SFXN5: variants seen among roughly 807,000 people sequenced by gnomAD.
The protein encoded by SFXN5 is sideroflexin 5, also known as sideroflexin-5.
A neutral mutation model predicts 50.2 loss-of-function variants in SFXN5; 43 were observed. The observed-to-expected ratio is 0.86, with a 90% CI of 0.67 to 1.11. The LOEUF (loss-of-function observed/expected upper bound fraction) is 1.11, where lower values mean the gene tolerates loss of function less well. SFXN5 is among the 50% of genes least tolerant of loss of function. SFXN5 has a pLI of 0.00. For synonymous variants in SFXN5, 203 were observed against 185.8 expected (o/e 1.09, Z -0.75); for missense variants, 463 against 454.1 (o/e 1.02, Z -0.18).
chr2:73,051,750 TTCTGGAGGCTGGAAG>T (rs1400587832), intron 2 of SFXN5, among the ~76,000 whole-genome samples: 30 of 152,336 alleles, frequency 2.0e-4, no homozygotes, highest in African/African-American at 7.2e-4. Flanking sequence ...TTTCTCACAG[TTCTGGAGGCTGGAAG>T]TCCAAGATCA....
chr2:73,057,447 T>C (rs57536428), intron 2 of SFXN5, among the ~76,000 whole-genome samples: 48,253 of 151,970 alleles, frequency 0.32, 9,180 homozygotes, highest in East Asian at 0.55. Context: ...CTCAAAAGCA[T>C]TGTGTTAAGG....
chr2:72,984,577 A>G (rs1044952621), intron 10 of SFXN5, among the ~76,000 whole-genome samples: 43 of 152,218 alleles, frequency 2.8e-4, no homozygotes, highest in African/African-American at 1.0e-3. Flanking sequence ...GACTTTGTTC[A>G]TTCTTCTGTA....
Position 73,014,536 on chromosome 2 carries a change from T to C in SFXN5, c.357+5703A>G, listed in dbSNP as rs138872772. 9.5e-3 allele frequency among the ~76,000 whole-genome samples: 1,445 copies of C among 152,316 alleles called. 16 individuals are homozygous for C. Among genetic ancestry groups the C allele is most frequent in the African/African-American group, 0.033 (1,354 of 41,554 alleles). On this transcript the variant is annotated intron_variant, in intron 6 of 13. Transcript: ENST00000272433. ...CACTATTCTTATCCCCTAGCTTGTA[T>C]TCATGTAACTTTTCATAGCAACCTG...
chr2:72,968,696 A>C (rs1288915905), intron 11 of SFXN5, among the ~76,000 whole-genome samples, 163 bp from the exon 12 acceptor site: 2 of 151,040 alleles, frequency 1.3e-5, no homozygotes, highest in African/African-American at 4.9e-5. Flanking sequence ...AAAAAAAGCC[A>C]CTGGTCTCCT....
intron 3 of SFXN5, among the ~76,000 whole-genome samples, chr2:73,038,246 T>C (rs1226554781): frequency 6.6e-6 from 1 of 152,212 alleles, no homozygotes; most frequent in African/African-American, 2.4e-5. Context: ...TGGTAGATAT[T>C]TGTGTATGTA....
intron 6 of SFXN5, chr2:73,019,950 A>G: frequency 6.6e-6 from 2 of 301,458 alleles, no homozygotes; most frequent in Non-Finnish European, 1.2e-5. Context: ...AAACTTCCCT[A>G]TGACTAGCAG....
intron 3 of SFXN5, among the ~76,000 whole-genome samples, chr2:73,030,368 T>C (rs926849296): frequency 3.9e-5 from 6 of 152,162 alleles, no homozygotes; most frequent in East Asian, 3.8e-4. Context: ...TGTATATATA[T>C]ACACATATAT....
chr2:73,010,592 T>A (rs867037837), intron 6 of SFXN5, among the ~76,000 whole-genome samples: 14 of 152,234 alleles, frequency 9.2e-5, no homozygotes, highest in African/African-American at 2.9e-4. Flanking sequence ...CTTTGTTACA[T>A]GCAGATGACC....
intron 3 of SFXN5, among the ~76,000 whole-genome samples, chr2:73,027,659 A>T (rs1677740163): frequency 6.6e-6 from 1 of 151,734 alleles, no homozygotes; most frequent in South Asian, 2.1e-4. Flanking sequence ...ATCATTTTTT[A>T]TCTTTTTTTT....
At chr2:73,056,834 T>C (rs1161528121) in intron 2 of SFXN5, among the ~76,000 whole-genome samples, 1 of 152,184 alleles carries the variant, frequency 6.6e-6, no homozygotes, top group Non-Finnish European at 1.5e-5. Context: ...CTGATGGAAA[T>C]GTAAAATGTA....
intron 6 of SFXN5, among the ~76,000 whole-genome samples, chr2:73,011,439 A>G (rs2105771217): frequency 6.6e-6 from 1 of 152,356 alleles, no homozygotes; most frequent in Middle Eastern, 3.4e-3. Flanking sequence ...ATTTAAAGAC[A>G]TCAATATTTA....
At chr2:73,043,771 C>A (rs150339516) in intron 2 of SFXN5, among the ~76,000 whole-genome samples, 2 of 152,082 alleles carry the variant, frequency 1.3e-5, no homozygotes, top group Non-Finnish European at 2.9e-5. Flanking sequence ...TGGAAAAGTA[C>A]AAAAAGTAAT....
intron 6 of SFXN5, among the ~76,000 whole-genome samples, chr2:73,005,740 A>G (rs1167125803): frequency 6.6e-6 from 1 of 152,196 alleles, no homozygotes; most frequent in African/African-American, 2.4e-5. Flanking sequence ...TCTGGAAGGC[A>G]AAATTGGGGC....
At chr2:73,009,608 G>T (rs1040416361) in intron 6 of SFXN5, among the ~76,000 whole-genome samples, 3 of 152,146 alleles carry the variant, frequency 2.0e-5, no homozygotes, top group African/African-American at 4.8e-5. Context: ...TCCCCATTTC[G>T]CCTCCATCAA....
chr2:73,007,029 C>G (rs1490150719), intron 6 of SFXN5, among the ~76,000 whole-genome samples: 1 of 152,214 alleles, frequency 6.6e-6, no homozygotes, highest in African/African-American at 2.4e-5. Context: ...AGTATTCTAA[C>G]TGCTGCAGAG....
rs1192961775 is a variant in SFXN5 at position 72,960,499 on chromosome 2, T to C, written c.945+632A>G. 6.6e-6 allele frequency among the ~76,000 whole-genome samples: 1 copy of C among 152,134 alleles called. No individual in the cohort carries two copies. Among genetic ancestry groups the C allele is most frequent in the African/African-American group, 2.4e-5 (1 of 41,410 alleles). On this transcript the variant is annotated intron_variant, in intron 13 of 13. Coordinates refer to ENST00000272433, the MANE Select transcript of SFXN5 (RefSeq NM_144579.3). This position sits in a 1 kb window ranked among gnomAD's most constrained non-coding sequence, Gnocchi z 6.1. Reference sequence around the variant, plus strand: ...CGCTTGCTGGATGCCCGCCACAGGCTCCTGATGGTTCCTTCTCTGGAGCTC... The same window carrying C: ...CGCTTGCTGGATGCCCGCCACAGGCCCCTGATGGTTCCTTCTCTGGAGCTC...
At chr2:73,003,913 T>C (rs868580705) in intron 6 of SFXN5, among the ~76,000 whole-genome samples, 5 of 152,330 alleles carry the variant, frequency 3.3e-5, no homozygotes, top group African/African-American at 1.2e-4. Flanking sequence ...GAGTCCATGC[T>C]GGCACCTCTG....
chr2:72,992,596 G>T lies in SFXN5; in HGVS notation c.535-4248C>A, dbSNP rs56161051. 6.6e-6 allele frequency among the ~76,000 whole-genome samples: 1 copy of T among 152,152 alleles called. No individual in the cohort carries two copies. Among genetic ancestry groups the T allele is most frequent in the East Asian group, 1.9e-4 (1 of 5,186 alleles). On this transcript the variant is annotated intron_variant, in intron 9 of 13. Transcript: ENST00000272433. The surrounding 1 kb of genome is among the most constrained non-coding windows in gnomAD (Gnocchi z 4.5). ...CTTCTCATGCCAGAGACCTCACAGC[G>T]TTCTGGGCAGGAGCCTCCTGGGGCC...
chr2:73,059,431 A>G (rs1682564404), intron 1 of SFXN5: 1 of 985,366 alleles, frequency 1.0e-6, no homozygotes, highest in East Asian at 1.1e-4. Flanking sequence ...CAACTCTCCA[A>G]GCACCATCCT....
Sources: allele counts gnomAD v4.1 joint callset (sites outside exome capture counted in the v4.1 genomes callset), GRCh38; gene constraint gnomAD v4.1.1; non-coding constraint Gnocchi (gnomAD v3.1); transcripts MANE v1.5; gene names NCBI Gene and HGNC (gene_info 2026-07-23, HGNC 2026-07-21).